CHN2: variants seen among roughly 807,000 people sequenced by gnomAD.
CHN2 encodes beta-chimaerin.
CHN2 carries 35 observed loss-of-function variants against 56.3 expected under a neutral mutation model. That is an observed-to-expected ratio of 0.62 (90% CI 0.47 to 0.82). The LOEUF (loss-of-function observed/expected upper bound fraction) is 0.82. Ranked by LOEUF, CHN2 falls within the 40% of genes least tolerant of loss-of-function variation. The probability of loss-of-function intolerance (pLI) is 0.00; values close to 1 mark genes in which losing one functional copy is unlikely to be tolerated. For synonymous variants in CHN2, 210 were observed against 212.8 expected (o/e 0.99, Z 0.12); for missense variants, 491 against 580.5 (o/e 0.85, Z 1.58).
rs73305037 is a variant in CHN2, at chr7:29,364,405, A to C, written c.89-3527A>C. Among the ~76,000 whole-genome samples, 901 of 152,362 alleles carry C rather than the reference A, an allele frequency of 5.9e-3. 5 individuals are homozygous for C. Among genetic ancestry groups the C allele is most frequent in the African/African-American group, 0.021 (859 of 41,588 alleles). On this transcript the variant is annotated intron_variant, in intron 2 of 12. Transcript: ENST00000222792. The stretch of plus-strand genomic sequence containing the variant: ...CACCTCCATTAACAATGGTATTCAC[A>C]AAGCCATTTCAACCATATATCACTG...
At chr7:29,408,168 C>T (rs558736404) in intron 6 of CHN2, among the ~76,000 whole-genome samples, 10 of 149,882 alleles carry the variant, frequency 6.7e-5, no homozygotes, top group Admixed American at 1.3e-4. Context: ...CCAGCCTGGA[C>T]GGCGGAGTGA....
intron 6 of CHN2, among the ~76,000 whole-genome samples, chr7:29,450,937 A>AT (rs1225991568): frequency 6.6e-6 from 1 of 151,714 alleles, no homozygotes; most frequent in African/African-American, 2.4e-5. Flanking sequence ...CGCCCGGCTA[A>AT]TTTTTTTATT....
chr7:29,472,298 C>CACAT (rs3048045), intron 6 of CHN2, among the ~76,000 whole-genome samples: 1 of 132,190 alleles, frequency 7.6e-6, no homozygotes, highest in South Asian at 2.5e-4. Context: ...CACACACACA[C>CACAT]GCACACACAC....
intron 6 of CHN2, among the ~76,000 whole-genome samples, chr7:29,457,289 C>T (rs1784837559): frequency 6.6e-6 from 1 of 152,156 alleles, no homozygotes; most frequent in Non-Finnish European, 1.5e-5. Context: ...GAAGCTGCCA[C>T]ATTCTCTGCA....
chr7:29,457,054 A>G (rs1481937048), intron 6 of CHN2, among the ~76,000 whole-genome samples: 1 of 152,168 alleles, frequency 6.6e-6, no homozygotes, highest in African/African-American at 2.4e-5. Flanking sequence ...CACCTCCTGA[A>G]TATTTTTAAT....
chr7:29,166,035 TTGTC>T (rs540811544), intron 2 of CHN2, among the ~76,000 whole-genome samples: 2 of 152,310 alleles, frequency 1.3e-5, no homozygotes, highest in South Asian at 2.1e-4. Context: ...GGGTTTTTGT[TTGTC>T]TGTTTGTTTT....
intron 1 of CHN2, among the ~76,000 whole-genome samples, chr7:29,278,873 G>A (rs1791440844): frequency 6.6e-6 from 1 of 152,082 alleles, no homozygotes; most frequent in Non-Finnish European, 1.5e-5. Context: ...AGAAGGATTA[G>A]CTAGACTCGC....
At chr7:29,279,519 T>C (rs573445812) in intron 1 of CHN2, among the ~76,000 whole-genome samples, 16 of 152,250 alleles carry the variant, frequency 1.1e-4, no homozygotes, top group Admixed American at 3.3e-4. Flanking sequence ...AAGACCTTCA[T>C]AGAAACACTT....
chr7:29,158,390 T>A (rs1382440392), intron 2 of CHN2, among the ~76,000 whole-genome samples: 1 of 152,216 alleles, frequency 6.6e-6, no homozygotes, highest in Non-Finnish European at 1.5e-5. Flanking sequence ...ACATGTAACA[T>A]GATGTCTGAT....
At chr7:29,471,258 A>G (rs997575070) in intron 6 of CHN2, among the ~76,000 whole-genome samples, 2 of 152,250 alleles carry the variant, frequency 1.3e-5, no homozygotes, top group African/African-American at 4.8e-5. Flanking sequence ...CAAAACAAAA[A>G]AGCAAATAAT....
chr7:29,278,642 C>T (rs55772610), intron 1 of CHN2, among the ~76,000 whole-genome samples: 10,357 of 152,200 alleles, frequency 0.068, 438 homozygotes, highest in East Asian at 0.17. Context: ...CTCCAAACCA[C>T]GACCTTGCTG....
At chr7:29,467,064 T>C (rs1344246208) in intron 6 of CHN2, among the ~76,000 whole-genome samples, 1 of 152,204 alleles carries the variant, frequency 6.6e-6, no homozygotes, top group Non-Finnish European at 1.5e-5. Context: ...GCCATATTAT[T>C]GTACACTCTT....
At chr7:29,272,723 C>T (rs547092818) in intron 1 of CHN2, among the ~76,000 whole-genome samples, 1 of 152,174 alleles carries the variant, frequency 6.6e-6, no homozygotes, top group South Asian at 2.1e-4. Flanking sequence ...AATTAAAACT[C>T]AGAAATTTAA....
intron 7 of CHN2, among the ~76,000 whole-genome samples, chr7:29,486,578 T>A (rs1788030663): frequency 6.6e-6 from 1 of 152,070 alleles, no homozygotes; most frequent in Non-Finnish European, 1.5e-5. Context: ...ACTACAGCTG[T>A]CCTGTGTGGC....
intron 7 of CHN2, among the ~76,000 whole-genome samples, chr7:29,495,231 A>C (rs1789140244): frequency 6.6e-6 from 1 of 152,222 alleles, no homozygotes; most frequent in East Asian, 1.9e-4. Flanking sequence ...CCTATGCCTC[A>C]AAATAATCAG....
Position 29,293,059 on chromosome 7 carries a change from C to T in CHN2, c.50-61566C>T, listed in dbSNP as rs190567436. 564 of 455,266 alleles carry T rather than the reference C, an allele frequency of 1.2e-3. 4 individuals carry two copies. Among genetic ancestry groups the T allele is most frequent in the African/African-American group, 0.01 (512 of 50,156 alleles). 28.2% of individuals were successfully genotyped at this position (455,266 alleles called of 1,614,324 possible). A position where few individuals can be genotyped will look rare whatever the true frequency, so the allele number is the denominator to read the frequency against. ...CTCACCTGCCACATGCCCCACTCCC[C>T]GCTTCCATTGCAAAGACAGAGCTGT... On this transcript the variant is annotated intron_variant, in intron 1 of 12. Transcript: ENST00000222792.
intron 3 of CHN2, among the ~76,000 whole-genome samples, chr7:29,378,933 C>T (rs1800279923): frequency 6.6e-6 from 1 of 152,166 alleles, no homozygotes; most frequent in African/African-American, 2.4e-5. Flanking sequence ...CCACTGCACT[C>T]CAGCCTGGAG....
At chr7:29,472,301 A>ACG (rs1554298736) in intron 6 of CHN2, among the ~76,000 whole-genome samples, 8 of 146,902 alleles carry the variant, frequency 5.4e-5, no homozygotes, top group African/African-American at 2.1e-4. Flanking sequence ...ACACACACGC[A>ACG]CACACACACA....
At chr7:29,291,543 A>G (rs573774806) in intron 1 of CHN2, among the ~76,000 whole-genome samples, 1 of 152,082 alleles carries the variant, frequency 6.6e-6, no homozygotes, top group Non-Finnish European at 1.5e-5. Flanking sequence ...AAAATCTACC[A>G]TGGACATATT....
Sources: gnomAD v4.1 joint callset for allele counts (sites outside exome capture counted in the v4.1 genomes callset) on GRCh38, gnomAD v4.1.1 for gene constraint, MANE v1.5 for transcripts, NCBI Gene and HGNC (gene_info 2026-07-23, HGNC 2026-07-21) for gene names.